Variants in DARS2 observed in about 807,000 individuals in gnomAD.
The protein encoded by DARS2 is aspartate--tRNA ligase, mitochondrial.
In DARS2, 63 loss-of-function variants were observed where a neutral mutation model predicts 83.0. The ratio of observed to expected loss-of-function variants is 0.76; its 90% CI spans 0.62 to 0.94. DARS2 has a LOEUF of 0.94. DARS2 is among the 40% of genes least tolerant of loss of function. DARS2 has a pLI of 0.00. For missense variants in DARS2, 675 were observed against 774.4 expected (o/e 0.87, Z 1.52); for synonymous variants, 250 against 269.3 (o/e 0.93, Z 0.70).
intron 13 of DARS2, chr1:173,851,954 A>T: frequency 2.8e-5 from 28 of 985,410 alleles, no homozygotes; most frequent in Non-Finnish European, 3.3e-5. Context: ...CATTTCTTAA[A>T]AAAGAACATG....
chr1:173,825,808 C>CA (rs200158099), intron 1 of DARS2, among the ~76,000 whole-genome samples: 151,982 of 151,984 alleles, frequency 1, 75,990 homozygotes, highest in Non-Finnish European at 1. Flanking sequence ...TGTGTAGAAG[C>CA]GAAATTCACT....
At chr1:173,825,485 T>TATTATTATTATTATTATTATTA in intron 1 of DARS2, 129 bp downstream of exon 1, 2 of 555,998 alleles carry the variant, frequency 3.6e-6, no homozygotes, top group Non-Finnish European at 2.5e-6. Context: ...TTATTATTAT[T>TATTATTATTATTATTATTATTA]TGAGACGGAG....
intron 3 of DARS2, among the ~76,000 whole-genome samples, chr1:173,830,352 T>G (rs1313137014): frequency 1.3e-5 from 2 of 152,164 alleles, no homozygotes; most frequent in African/African-American, 4.8e-5. Flanking sequence ...AGACTAACCC[T>G]GGAGACAATT....
intron 13 of DARS2, chr1:173,851,878 C>T (rs1392840824): frequency 6.1e-6 from 6 of 985,216 alleles, no homozygotes; most frequent in South Asian, 4.7e-5. Flanking sequence ...TGTAATCCCC[C>T]GTCTCCCCTT....
chr1:173,857,472 C>T, intron 16 of DARS2, 46 bp from the exon 17 acceptor site: 1 of 1,564,326 alleles, frequency 6.4e-7, no homozygotes, highest in Non-Finnish European at 8.8e-7. Context: ...TTATTTCCAA[C>T]ATTAGATTAC....
In DARS2 at chr1:173,857,966, T is replaced by C. The variant is rs771259782; in HGVS notation, c.*261T>C. 6 of 474,386 alleles carry C rather than the reference T, an allele frequency of 1.3e-5. No homozygotes were observed. Among genetic ancestry groups the C allele is most frequent in the Non-Finnish European group, 2.3e-5 (6 of 259,268 alleles). The allele number at this position is 474,386 out of a possible 1,614,324, so 29.4% of individuals were successfully genotyped here. A position where few individuals can be genotyped will look rare whatever the true frequency, so the allele number is the denominator to read the frequency against. On this transcript the variant is annotated 3_prime_UTR_variant, in exon 17 of 17. Transcript: ENST00000649689. The stretch of plus-strand genomic sequence containing the variant: ...TACTTAGGTGTGAAAGATGGTTCTT[T>C]GTTGAAATAATATAGTGGTTTAGTG...
chr1:173,858,048 A>C lies in DARS2; in HGVS notation c.*343A>C. On this transcript the variant is annotated 3_prime_UTR_variant, in exon 17 of 17. Transcript: ENST00000649689. Reference sequence around the variant, plus strand: ...TAGATTATTCACTTAGGACAGAGGTAATCAAATTATGTGTGAAATGTAGGA... The same window carrying C: ...TAGATTATTCACTTAGGACAGAGGTCATCAAATTATGTGTGAAATGTAGGA... 6 of 301,766 alleles carry C rather than the reference A, an allele frequency of 2.0e-5. No homozygotes were observed. In the South Asian group the frequency reaches 2.0e-4, roughly 10 times the overall value. The allele number at this position is 301,766 out of a possible 1,614,324, so 18.7% of individuals were successfully genotyped here. A position where few individuals can be genotyped will look rare whatever the true frequency, so the allele number is the denominator to read the frequency against.
chr1:173,849,176 CAG>C (rs1653552443), intron 12 of DARS2, among the ~76,000 whole-genome samples: 1 of 145,342 alleles, frequency 6.9e-6, no homozygotes, highest in Non-Finnish European at 1.5e-5. Context: ...TTTAATGCTG[CAG>C]AGTTTCTTCA....
Position 173,834,732 on chromosome 1 carries a change from GT to G in DARS2, c.663+238del. On this transcript the variant is annotated intron_variant, in intron 7 of 16. Coordinates refer to ENST00000649689, the MANE Select transcript of DARS2 (RefSeq NM_018122.5). ...AATTTTCTTTCCTTTGAGTTTTTTTGTTTTTTTTTTTTTTTTTTTTTTTTTG... is the reference window on the plus strand; with the variant it reads ...AATTTTCTTTCCTTTGAGTTTTTTTGTTTTTTTTTTTTTTTTTTTTTTTTG... Among the ~76,000 whole-genome samples the G allele has an allele frequency of 9.3e-3, 202 of 21,690 alleles. 1 individual carries two copies. Among genetic ancestry groups the G allele is most frequent in the East Asian group, 0.022 (12 of 544 alleles). The allele number at this position is 21,690 out of a possible 152,430, so 14.2% of individuals were successfully genotyped here.
chr1:173,826,138 G>A (rs1571974924), intron 1 of DARS2, among the ~76,000 whole-genome samples: 1 of 151,790 alleles, frequency 6.6e-6, no homozygotes, highest in African/African-American at 2.4e-5. Flanking sequence ...GCAGGAGAAT[G>A]GCGTGAACCT....
intron 1 of DARS2, 69 bp downstream of exon 1, chr1:173,825,425 T>A: frequency 7.0e-7 from 1 of 1,430,654 alleles, no homozygotes; most frequent in South Asian, 1.3e-5. Flanking sequence ...GGAGAGCTTT[T>A]ATTCCATTTT....
Position 173,831,073 on chromosome 1 carries a change from C to T in DARS2, c.396+312C>T, listed in dbSNP as rs12079240. ...CTGGGACTACAGGTGCATGCCACCA[C>T]GCCCAGCTAATTTTTATATTTTTAG... is the stretch of plus-strand genomic sequence containing the variant. On this transcript the variant is annotated intron_variant, in intron 4 of 16. Transcript: ENST00000649689. Among the ~76,000 whole-genome samples the T allele has an allele frequency of 0.063, 9,577 of 152,098 alleles. 965 individuals carry two copies. Among genetic ancestry groups the T allele is most frequent in the African/African-American group, 0.21 (8,832 of 41,440 alleles).
chr1:173,856,861 G>A, intron 16 of DARS2, 120 bp downstream of exon 16: 2 of 692,312 alleles, frequency 2.9e-6, no homozygotes, highest in Non-Finnish European at 4.9e-6. Context: ...GAGAATGTAA[G>A]TTTCTGTTGA....
intron 12 of DARS2, among the ~76,000 whole-genome samples, chr1:173,847,378 C>CCTT (rs1653476723): frequency 6.6e-6 from 1 of 151,936 alleles, no homozygotes; most frequent in African/African-American, 2.4e-5. Flanking sequence ...AGGAAATAAG[C>CCTT]CTGAAGGTTA....
chr1:173,844,777 G>GTTT (rs1653361547), intron 11 of DARS2, among the ~76,000 whole-genome samples: 1 of 107,950 alleles, frequency 9.3e-6, no homozygotes, highest in Non-Finnish European at 1.8e-5. Flanking sequence ...GCAGAAATTG[G>GTTT]ATTTTTTTTT....
At chr1:173,828,218 A>G in intron 2 of DARS2, 115 bp from the exon 3 acceptor site, 1 of 1,041,088 alleles carries the variant, frequency 9.6e-7, no homozygotes, top group Non-Finnish European at 1.4e-6. Flanking sequence ...ATTATCATAA[A>G]AAAGAAACAT....
intron 11 of DARS2, among the ~76,000 whole-genome samples, chr1:173,844,238 CAAAT>C (rs1653335159): frequency 6.6e-6 from 1 of 152,284 alleles, no homozygotes; most frequent in East Asian, 1.9e-4. Context: ...TAAGAAACCT[CAAAT>C]AATCAAATTC....
chr1:173,850,441 G>T lies in DARS2; in HGVS notation c.1306G>T (p.Asp436Tyr). ...LIRLMETQEE[D>Y]VVLLTAGEHN... ...CAGACTAATGGAGACCCAAGAGGAA[G>T]ATGTGGTCCTACTAACTGCTGGAGA... The change falls in exon 13 of 17, where the codon GAT becomes TAT. Residue 436 changes from aspartate (D) to tyrosine (Y), a missense_variant. By Grantham distance (160) the Asp-to-Tyr change is radical. Transcript: ENST00000649689. The T allele has an allele frequency of 2.5e-6, 4 of 1,614,026 alleles. No individual in the cohort carries two copies. The highest frequency in any genetic ancestry group is 1.3e-5 in the African/African-American group (1 of 75,030).
intron 15 of DARS2, 119 bp from the exon 16 acceptor site, chr1:173,856,547 A>T: frequency 1.2e-6 from 1 of 820,100 alleles, no homozygotes; most frequent in Non-Finnish European, 2.0e-6. Context: ...ATTATTGGTT[A>T]AGTCAGTTTT....
Sources: allele counts gnomAD v4.1 joint callset (sites outside exome capture counted in the v4.1 genomes callset), GRCh38; gene constraint gnomAD v4.1.1; transcripts MANE v1.5; gene names NCBI Gene and HGNC (gene_info 2026-07-23, HGNC 2026-07-21).